GNB1: variants seen among roughly 807,000 people sequenced by gnomAD.
The protein encoded by GNB1 is G protein subunit beta 1.
GNB1 carries 2 observed loss-of-function variants against 42.9 expected under a neutral mutation model. The ratio of observed to expected loss-of-function variants is 0.05; its 90% CI spans 0.02 to 0.15. The LOEUF (loss-of-function observed/expected upper bound fraction) is 0.15. GNB1 is among the 10% of genes least tolerant of loss of function. GNB1 has a pLI of 1.00. For missense variants in GNB1, 193 were observed against 462.2 expected, an observed-to-expected ratio of 0.42 and a Z score of 5.34; for synonymous variants, 183 against 174.7, an observed-to-expected ratio of 1.05 and a Z score of -0.38.
At chr1:1,852,387 C>A (rs993258234) in intron 1 of GNB1, among the ~76,000 whole-genome samples, 1 of 152,022 alleles carries the variant, frequency 6.6e-6, no homozygotes, top group Admixed American at 6.6e-5. Context: ...CGCCACCACG[C>A]CTGGCTAATT....
At chr1:1,841,036 C>G (rs947044090) in intron 1 of GNB1, among the ~76,000 whole-genome samples, 1 of 152,000 alleles carries the variant, frequency 6.6e-6, no homozygotes, top group Non-Finnish European at 1.5e-5. Context: ...CGATTATAGG[C>G]ACATGCCACC....
At chr1:1,865,937 GTATT>G (rs979378032) in intron 1 of GNB1, among the ~76,000 whole-genome samples, 17 of 151,868 alleles carry the variant, frequency 1.1e-4, no homozygotes, top group African/African-American at 3.1e-4. Context: ...CTTGAAAACA[GTATT>G]TATTTATTTT....
At chr1:1,853,833 G>C (rs1005989405) in intron 1 of GNB1, among the ~76,000 whole-genome samples, 2 of 152,146 alleles carry the variant, frequency 1.3e-5, no homozygotes, top group African/African-American at 4.8e-5. Flanking sequence ...GTTTAGGTCA[G>C]AGTAAAGTAA....
intron 7 of GNB1, among the ~76,000 whole-genome samples, chr1:1,803,941 T>G (rs1570639289): frequency 7.6e-6 from 1 of 132,182 alleles, no homozygotes; most frequent in African/African-American, 2.9e-5. Context: ...AAGAATGCGC[T>G]GCTGCACTCC....
chr1:1,849,076 G>A lies in GNB1; in HGVS notation c.-95-9838C>T, dbSNP rs536634407. 5.3e-5 allele frequency among the ~76,000 whole-genome samples: 8 copies of A among 152,334 alleles called. No individual in the cohort carries two copies. In the East Asian group the frequency reaches 9.6e-4, roughly 18 times the overall value. Reference sequence around the variant, plus strand: ...TGAAACCATTCTGACTGGGGTGGGAGAGGGGCTAGAGATTGTGCTCTATCA... The same window carrying A: ...TGAAACCATTCTGACTGGGGTGGGAAAGGGGCTAGAGATTGTGCTCTATCA... On this transcript the variant is annotated intron_variant, in intron 1 of 11. Coordinates refer to ENST00000378609, the MANE Select transcript of GNB1 (RefSeq NM_002074.5).
At chr1:1,858,818 C>T (rs892906680) in intron 1 of GNB1, among the ~76,000 whole-genome samples, 18 of 152,224 alleles carry the variant, frequency 1.2e-4, no homozygotes, top group East Asian at 3.9e-4. Flanking sequence ...TTCCCGATGA[C>T]GTCACATCCT....
chr1:1,811,251 C>T (rs1404327511), intron 5 of GNB1, among the ~76,000 whole-genome samples: 1 of 151,488 alleles, frequency 6.6e-6, no homozygotes, highest in Non-Finnish European at 1.5e-5. Context: ...CCACACCTGG[C>T]TAATTTTTGT....
At chr1:1,889,108 A>G (rs898989973) in intron 1 of GNB1, among the ~76,000 whole-genome samples, 1 of 152,260 alleles carries the variant, frequency 6.6e-6, no homozygotes, top group African/African-American at 2.4e-5. Flanking sequence ...CCAAAAGACT[A>G]TCACTTCAGA....
chr1:1,793,152 A>G (rs1646503372), intron 8 of GNB1, 93 bp downstream of exon 8: 2 of 694,750 alleles, frequency 2.9e-6, no homozygotes, highest in Admixed American at 4.7e-5. Flanking sequence ...GCCTAATATT[A>G]TGTCAAGAAC....
chr1:1,886,414 A>G (rs1299237439), intron 1 of GNB1, among the ~76,000 whole-genome samples: 1 of 152,222 alleles, frequency 6.6e-6, no homozygotes, highest in Non-Finnish European at 1.5e-5. Flanking sequence ...AACAAAATGC[A>G]TAGCTTTGAA....
chr1:1,858,829 A>C (rs1313083497), intron 1 of GNB1, among the ~76,000 whole-genome samples: 1 of 152,126 alleles, frequency 6.6e-6, no homozygotes, highest in East Asian at 1.9e-4. Flanking sequence ...GTCACATCCT[A>C]ATAAAGCCCT....
At chr1:1,848,104 G>C (rs1647770823) in intron 1 of GNB1, among the ~76,000 whole-genome samples, 1 of 152,082 alleles carries the variant, frequency 6.6e-6, no homozygotes, top group Non-Finnish European at 1.5e-5. Context: ...AGCAGGCCGG[G>C]TGCGGTGGCT....
chr1:1,887,652 C>T (rs528223244), intron 1 of GNB1, among the ~76,000 whole-genome samples: 1 of 152,334 alleles, frequency 6.6e-6, no homozygotes, highest in Non-Finnish European at 1.5e-5. Flanking sequence ...TTTTGAGACA[C>T]AGTCTCACTC....
At chr1:1,808,307 T>C (rs963496106) in intron 5 of GNB1, among the ~76,000 whole-genome samples, 2 of 152,002 alleles carry the variant, frequency 1.3e-5, no homozygotes, top group Non-Finnish European at 1.5e-5. Context: ...CGCCCGACCA[T>C]GAATTTTTTC....
At chr1:1,802,623 G>A (rs1171549186) in intron 7 of GNB1, among the ~76,000 whole-genome samples, 3 of 152,008 alleles carry the variant, frequency 2.0e-5, no homozygotes, top group Non-Finnish European at 4.4e-5. Context: ...ACAAAAATTG[G>A]CCAGGCGTGG....
At chr1:1,871,441 CAG>C (rs772463010) in intron 1 of GNB1, among the ~76,000 whole-genome samples, 3 of 150,506 alleles carry the variant, frequency 2.0e-5, no homozygotes, top group African/African-American at 4.8e-5. Flanking sequence ...GCCACGGCAA[CAG>C]AGTGAGACTT....
intron 1 of GNB1, among the ~76,000 whole-genome samples, chr1:1,881,199 T>C (rs1490542604): frequency 6.6e-6 from 1 of 152,260 alleles, no homozygotes; most frequent in East Asian, 1.9e-4. Flanking sequence ...TGTGGTCATT[T>C]ACATCTTTCT....
At chr1:1,868,423 G>GCCT (rs1649062306) in intron 1 of GNB1, among the ~76,000 whole-genome samples, 1 of 152,116 alleles carries the variant, frequency 6.6e-6, no homozygotes, top group Non-Finnish European at 1.5e-5. Flanking sequence ...ACCTGCCTCA[G>GCCT]CCTCCCAAAG....
At chr1:1,822,426 C>G (rs971297981) in intron 3 of GNB1, among the ~76,000 whole-genome samples, 1 of 152,078 alleles carries the variant, frequency 6.6e-6, no homozygotes. Flanking sequence ...CCTCAGCCTC[C>G]CAAGTAGTTG....
Sources: gnomAD v4.1 joint callset for allele counts (sites outside exome capture counted in the v4.1 genomes callset) on GRCh38, gnomAD v4.1.1 for gene constraint, MANE v1.5 for transcripts, NCBI Gene and HGNC (gene_info 2026-07-23, HGNC 2026-07-21) for gene names.